AMBRA1: variants seen among roughly 807,000 people sequenced by gnomAD.
The protein encoded by AMBRA1 is autophagy and beclin 1 regulator 1.
In AMBRA1, 47 loss-of-function variants were observed where a neutral mutation model predicts 125.4. That is an observed-to-expected ratio of 0.37 (90% CI 0.30 to 0.48). The LOEUF (loss-of-function observed/expected upper bound fraction) is 0.48. Among genes scored for constraint, AMBRA1 ranks in the 20% least tolerant of loss-of-function variants. AMBRA1 has a pLI of 0.99. For missense variants in AMBRA1, 1,331 were observed against 1,693.4 expected (o/e 0.79, Z 3.76); for synonymous variants, 626 against 655.5 (o/e 0.95, Z 0.69).
Position 46,397,631 on chromosome 11 carries a change from G to C in AMBRA1, c.3716C>G (p.Pro1239Arg). 1 of 1,612,056 alleles carries C rather than the reference G, an allele frequency of 6.2e-7. No homozygotes were observed. Among genetic ancestry groups the C allele is most frequent in the South Asian group, 1.1e-5 (1 of 90,848 alleles). Residue 1239 changes from proline to arginine, a missense_variant, in exon 18 of 18, where the codon CCT becomes CGT. Physicochemically the swap from Pro to Arg is moderately radical, Grantham distance 103 (BLOSUM62 -2). This residue lies in a region of AMBRA1 where 144 missense variants were observed against 133.9 expected (regional missense o/e 1.08). Transcript: ENST00000683756. ...GGTTGGCTGGGTTGGCTCCCGCCCA[G>C]GGGTACCAGGCTGGTCCCAGGAAGC... ...RTASWDQPGT[P>R]GREPTQPTLP... is the part of the protein sequence containing the mutation.
At chr11:46,429,000 A>G (rs1342587316) in intron 14 of AMBRA1, 1 of 1,612,068 alleles carries the variant, frequency 6.2e-7, no homozygotes, top group South Asian at 1.1e-5. Flanking sequence ...GACTTGAGAG[A>G]CTGCATGGCC....
chr11:46,530,900 T>C (rs1017019109), intron 7 of AMBRA1, among the ~76,000 whole-genome samples: 1 of 152,218 alleles, frequency 6.6e-6, no homozygotes, highest in Non-Finnish European at 1.5e-5. Flanking sequence ...ATTCATTTAT[T>C]TGAGACGAAT....
intron 11 of AMBRA1, among the ~76,000 whole-genome samples, chr11:46,453,738 G>A (rs1388741548): frequency 1.3e-5 from 2 of 152,068 alleles, no homozygotes; most frequent in Admixed American, 1.3e-4. Flanking sequence ...TCCCAAAAAA[G>A]CACCACGTGG....
intron 7 of AMBRA1, among the ~76,000 whole-genome samples, chr11:46,514,411 T>C (rs73467947): frequency 0.022 from 3,380 of 152,200 alleles, 55 homozygotes; most frequent in African/African-American, 0.045. Context: ...ACTTAGACAC[T>C]TGTAACAATC....
rs573010188 is a variant in AMBRA1, at chr11:46,592,457, A to G, written c.-121+1371T>C. On this transcript the variant is annotated intron_variant, in intron 1 of 17. Transcript: ENST00000683756. Reference sequence around the variant, plus strand: ...CTTTTGTATGTGCAGTGACCAAACTACTAATCAAATACAACAAAACTGGGC... The same window carrying G: ...CTTTTGTATGTGCAGTGACCAAACTGCTAATCAAATACAACAAAACTGGGC... 2.0e-5 allele frequency among the ~76,000 whole-genome samples: 3 copies of G among 152,264 alleles called. No homozygotes were observed. In the South Asian group the frequency reaches 6.2e-4, roughly 32 times the overall value.
chr11:46,590,091 G>A (rs774800012), intron 1 of AMBRA1, among the ~76,000 whole-genome samples: 3 of 151,942 alleles, frequency 2.0e-5, no homozygotes, highest in Non-Finnish European at 4.4e-5. Flanking sequence ...AAAAATGTAT[G>A]GCCGAGCGAG....
rs1341957186 is a variant in AMBRA1, at chr11:46,396,544, T to G, written c.*906A>C. Reference sequence around the variant, plus strand: ...CAGAAAGGAAATCACATTTTCATACTAAAAACAAAATGATCAGAGCCTTGA... The same window carrying G: ...CAGAAAGGAAATCACATTTTCATACGAAAAACAAAATGATCAGAGCCTTGA... On this transcript the variant is annotated 3_prime_UTR_variant, in exon 18 of 18. Coordinates refer to ENST00000683756, the MANE Select transcript of AMBRA1 (RefSeq NM_001387011.1). 6.6e-6 allele frequency: 1 copy of G among 152,626 alleles called. No individual in the cohort carries two copies. The highest frequency in any genetic ancestry group is 1.9e-4 in the East Asian group (1 of 5,196). 9.5% of individuals were successfully genotyped at this position (152,626 alleles called of 1,614,324 possible).
chr11:46,471,877 C>T (rs1949612115), intron 11 of AMBRA1, among the ~76,000 whole-genome samples: 1 of 152,030 alleles, frequency 6.6e-6, no homozygotes, highest in Non-Finnish European at 1.5e-5. Context: ...CCACCCACCT[C>T]GGCCTCCCAA....
chr11:46,576,707 T>C (rs1744714143), intron 1 of AMBRA1, among the ~76,000 whole-genome samples: 1 of 152,194 alleles, frequency 6.6e-6, no homozygotes, highest in African/African-American at 2.4e-5. Context: ...GAACATCTGC[T>C]TAACACCACC....
chr11:46,459,747 C>CAT (rs2136828176), intron 11 of AMBRA1, among the ~76,000 whole-genome samples: 1 of 126,708 alleles, frequency 7.9e-6, no homozygotes, highest in South Asian at 2.2e-4. Context: ...CATACACACA[C>CAT]ACACACACAC....
At chr11:46,585,762 C>T (rs1418067128) in intron 1 of AMBRA1, among the ~76,000 whole-genome samples, 1 of 122,406 alleles carries the variant, frequency 8.2e-6, no homozygotes, top group Non-Finnish European at 1.7e-5. Flanking sequence ...AGGTGTGGGC[C>T]ACCACACCAG....
chr11:46,399,223 G>A (rs984571887), intron 17 of AMBRA1, among the ~76,000 whole-genome samples: 2 of 150,504 alleles, frequency 1.3e-5, no homozygotes, highest in East Asian at 2.0e-4. Context: ...ACAGGTGCCC[G>A]CCACCACACC....
chr11:46,559,626 A>C (rs2043266435), intron 1 of AMBRA1, among the ~76,000 whole-genome samples: 1 of 152,154 alleles, frequency 6.6e-6, no homozygotes, highest in Non-Finnish European at 1.5e-5. Flanking sequence ...TAAATACAAA[A>C]CCTTCATCCT....
chr11:46,579,530 G>A (rs1263373389), intron 1 of AMBRA1, among the ~76,000 whole-genome samples: 2 of 152,178 alleles, frequency 1.3e-5, no homozygotes, highest in Non-Finnish European at 2.9e-5. Flanking sequence ...AAAAAGGCCA[G>A]AGAATCATTA....
intron 1 of AMBRA1, among the ~76,000 whole-genome samples, chr11:46,593,042 A>C (rs2044663582): frequency 6.6e-6 from 1 of 152,166 alleles, no homozygotes; most frequent in Non-Finnish European, 1.5e-5. Context: ...AAGAAACAAA[A>C]AGAAACTGTC....
chr11:46,400,157 T>C (rs1945669528), intron 17 of AMBRA1, among the ~76,000 whole-genome samples: 2 of 152,190 alleles, frequency 1.3e-5, no homozygotes, highest in Non-Finnish European at 1.5e-5. Context: ...TGGGCAACTA[T>C]GATCAAGGCT....
chr11:46,463,927 C>T (rs1048338408), intron 11 of AMBRA1, among the ~76,000 whole-genome samples: 4 of 152,206 alleles, frequency 2.6e-5, no homozygotes, highest in Admixed American at 2.6e-4. Context: ...CTGCAAGGCT[C>T]TTGCCTTGGG....
chr11:46,448,693 T>A (rs141780771), intron 11 of AMBRA1, among the ~76,000 whole-genome samples: 84 of 151,892 alleles, frequency 5.5e-4, no homozygotes, highest in African/African-American at 2.0e-3. Context: ...ACAATAAACA[T>A]CTAGGTAGGC....
intron 1 of AMBRA1, among the ~76,000 whole-genome samples, chr11:46,580,766 T>C (rs960541966): frequency 6.6e-6 from 1 of 152,104 alleles, no homozygotes; most frequent in Non-Finnish European, 1.5e-5. Flanking sequence ...CTCCCCACAA[T>C]GTACCCACAG....
Sources: gnomAD v4.1 joint callset for allele counts (sites outside exome capture counted in the v4.1 genomes callset) on GRCh38, gnomAD v4.1.1 for gene constraint, gnomAD v4.1.1 regional missense constraint, MANE v1.5 for transcripts, NCBI Gene and HGNC (gene_info 2026-07-23, HGNC 2026-07-21) for gene names.